Variants in POU6F2 observed in about 807,000 individuals in gnomAD.
POU6F2 encodes the protein POU domain, class 6, transcription factor 2.
A neutral mutation model predicts 71.3 loss-of-function variants in POU6F2; 31 were observed. The ratio of observed to expected loss-of-function variants is 0.43; its 90% CI spans 0.33 to 0.59. POU6F2 has a LOEUF of 0.59. Among genes scored for constraint, POU6F2 ranks in the 20% least tolerant of loss-of-function variants. The probability of loss-of-function intolerance (pLI) is 0.04; values close to 1 mark genes in which losing one functional copy is unlikely to be tolerated. For missense variants in POU6F2, 783 were observed against 856.8 expected, an observed-to-expected ratio of 0.91 and a Z score of 1.07; for synonymous variants, 347 against 355.7, an observed-to-expected ratio of 0.98 and a Z score of 0.27.
intron 1 of POU6F2, among the ~76,000 whole-genome samples, chr7:39,060,337 A>G (rs1790629354): frequency 6.6e-6 from 1 of 152,184 alleles, no homozygotes; most frequent in South Asian, 2.1e-4. Context: ...GTATGAGAAG[A>G]TAATGGAGTT....
intron 1 of POU6F2, among the ~76,000 whole-genome samples, chr7:39,059,472 A>G (rs2128715670): frequency 6.6e-6 from 1 of 151,016 alleles, no homozygotes; most frequent in Middle Eastern, 3.4e-3. Flanking sequence ...ACAACGAGAT[A>G]CCACTTCATA....
rs138099396 is a variant in POU6F2 at position 39,227,906 on chromosome 7, G to T, written c.598+20286G>T. Among the ~76,000 whole-genome samples, 17 of 152,252 alleles carry T rather than the reference G, an allele frequency of 1.1e-4. No homozygotes were observed. In the East Asian group the frequency reaches 3.3e-3, roughly 29 times the overall value. ...CTGGTTGAGTGTCCTGTGCAGCCAG[G>T]GTTGAGACCACAGCTCTGTAAGAGC... On this transcript the variant is annotated intron_variant, in intron 4 of 9. Transcript: ENST00000518318.
In POU6F2 at chr7:39,035,160, T is replaced by C. The variant is rs116000618; in HGVS notation, c.106-50700T>C. Among the ~76,000 whole-genome samples the C allele has an allele frequency of 7.8e-3, 1,181 of 152,094 alleles. 19 individuals are homozygous for C. The highest frequency in any genetic ancestry group is 0.027 in the African/African-American group (1,114 of 41,522). ...AAGTTTGCTCTGGTTGGAAAGTGAA[T>C]GTAAGATTTTTTATTATTTGCAAAG... On this transcript the variant is annotated intron_variant, in intron 1 of 9. Coordinates refer to ENST00000518318, the MANE Select transcript of POU6F2 (RefSeq NM_001370959.1).
intron 4 of POU6F2, among the ~76,000 whole-genome samples, chr7:39,241,588 T>C (rs571557590): frequency 3.9e-5 from 6 of 152,200 alleles, no homozygotes; most frequent in African/African-American, 1.4e-4. Flanking sequence ...TAGAAACATA[T>C]ATAACATGTA....
At chr7:39,417,501 A>G (rs1335745781) in intron 6 of POU6F2, among the ~76,000 whole-genome samples, 1 of 152,208 alleles carries the variant, frequency 6.6e-6, no homozygotes, top group Non-Finnish European at 1.5e-5. Flanking sequence ...TCCTACCTGT[A>G]TAACTAACAA....
chr7:39,290,220 C>T (rs1784725785), intron 4 of POU6F2, among the ~76,000 whole-genome samples: 1 of 152,212 alleles, frequency 6.6e-6, no homozygotes, highest in Admixed American at 6.5e-5. Context: ...AATTGCTCTT[C>T]ACAACTCCTT....
At position 39,093,549 on chromosome 7, in the gene POU6F2, G is replaced by A. The variant is rs145051348; in HGVS notation, c.277+7518G>A. Among the ~76,000 whole-genome samples the A allele has an allele frequency of 2.2e-3, 336 of 152,180 alleles. 2 individuals are homozygous for A. Among genetic ancestry groups the A allele is most frequent in the African/African-American group, 7.6e-3 (314 of 41,552 alleles). On this transcript the variant is annotated intron_variant, in intron 2 of 9. Transcript: ENST00000518318. ...CCTGCCATATATTGTTTGGCATTAA[G>A]TAGTTTTCTTAGTGTTTCATCTTTT...
chr7:39,204,160 A>T, intron 2 of POU6F2, 75 bp from the exon 3 acceptor site: 2 of 1,240,536 alleles, frequency 1.6e-6, no homozygotes, highest in Non-Finnish European at 2.3e-6. Flanking sequence ...CATATCATCT[A>T]TGCCTTAATG....
intron 5 of POU6F2, among the ~76,000 whole-genome samples, chr7:39,399,860 CA>C (rs201444418): frequency 0.09 from 8,469 of 94,590 alleles, 340 homozygotes; most frequent in Admixed American, 0.16. Flanking sequence ...AAGAATGTAA[CA>C]AAAAAAAAAA....
At chr7:39,366,567 C>T (rs368662946) in intron 5 of POU6F2, among the ~76,000 whole-genome samples, 1 of 152,108 alleles carries the variant, frequency 6.6e-6, no homozygotes, top group Non-Finnish European at 1.5e-5. Flanking sequence ...AGAGCAGCAA[C>T]GACCAGCAAG....
At position 39,411,036 on chromosome 7, in the gene POU6F2, A is replaced by G. The variant is rs141110531; in HGVS notation, c.1113+4296A>G. 2.4e-3 allele frequency among the ~76,000 whole-genome samples: 363 copies of G among 152,336 alleles called. 5 individuals carry two copies. The highest frequency in any genetic ancestry group is 7.9e-3 in the African/African-American group (328 of 41,566). ...CATCACTCAATAATGCTATCATCCAATAAATGCTACCTATTAATCAAGATG... is the reference window on the plus strand; with the variant it reads ...CATCACTCAATAATGCTATCATCCAGTAAATGCTACCTATTAATCAAGATG... On this transcript the variant is annotated intron_variant, in intron 6 of 9. Coordinates refer to ENST00000518318, the MANE Select transcript of POU6F2 (RefSeq NM_001370959.1).
At chr7:39,419,977 G>T (rs576337742) in intron 6 of POU6F2, among the ~76,000 whole-genome samples, 1 of 152,236 alleles carries the variant, frequency 6.6e-6, no homozygotes, top group Non-Finnish European at 1.5e-5. Context: ...TAATCAAAAG[G>T]CAGGGCCACA....
Position 39,454,515 on chromosome 7 carries a change from A to G in POU6F2, c.1489+2814A>G, listed in dbSNP as rs992752202. On this transcript the variant is annotated intron_variant, in intron 8 of 9. Transcript: ENST00000518318. ...ATGTTCCTATCATCCAGGACATTCCAAAGGATTTAGGAACTCTGTGTCAAG... is the reference window on the plus strand; with the variant it reads ...ATGTTCCTATCATCCAGGACATTCCGAAGGATTTAGGAACTCTGTGTCAAG... Among the ~76,000 whole-genome samples the G allele has an allele frequency of 2.0e-5, 3 of 151,158 alleles. No individual in the cohort carries two copies. The Admixed American group carries it at 2.0e-4, about 10-fold the overall frequency.
chr7:39,223,381 G>A (rs1171822052), intron 4 of POU6F2, among the ~76,000 whole-genome samples: 2 of 152,120 alleles, frequency 1.3e-5, no homozygotes, highest in African/African-American at 4.8e-5. Flanking sequence ...TATATATGCA[G>A]GTGGATACTC....
At chr7:39,461,306 T>C (rs1169650077) in intron 9 of POU6F2, among the ~76,000 whole-genome samples, 1 of 152,196 alleles carries the variant, frequency 6.6e-6, no homozygotes, top group Non-Finnish European at 1.5e-5. Context: ...TGGCCTAACC[T>C]TGCTCATCTC....
chr7:39,301,762 G>GC (rs1235324140), intron 4 of POU6F2, among the ~76,000 whole-genome samples: 3 of 152,152 alleles, frequency 2.0e-5, no homozygotes. Flanking sequence ...GGCTGACACT[G>GC]CCCCATTAAA....
intron 1 of POU6F2, among the ~76,000 whole-genome samples, chr7:39,018,032 T>C (rs1037816464): frequency 1.6e-4 from 24 of 152,204 alleles, no homozygotes; most frequent in Non-Finnish European, 2.4e-4. Flanking sequence ...CTTACGGTGA[T>C]AGCAGGTATC....
intron 4 of POU6F2, among the ~76,000 whole-genome samples, chr7:39,333,474 C>T (rs2115576848): frequency 6.6e-6 from 1 of 152,200 alleles, no homozygotes; most frequent in South Asian, 2.1e-4. Context: ...CGTGGTGGCT[C>T]ACACCTATAA....
chr7:39,301,899 T>C (rs1366585181), intron 4 of POU6F2, among the ~76,000 whole-genome samples: 1 of 152,146 alleles, frequency 6.6e-6, no homozygotes, highest in Admixed American at 6.5e-5. Context: ...ATAATGGTAG[T>C]AATTTGTCTA....
Sources: gnomAD v4.1 joint callset for allele counts (sites outside exome capture counted in the v4.1 genomes callset) on GRCh38, gnomAD v4.1.1 for gene constraint, MANE v1.5 for transcripts, NCBI Gene and HGNC (gene_info 2026-07-23, HGNC 2026-07-21) for gene names.